PDE4D: variants seen among roughly 807,000 people sequenced by gnomAD.
PDE4D encodes the protein phosphodiesterase 4D, also known as 3',5'-cyclic-AMP phosphodiesterase 4D.
In PDE4D, 24 loss-of-function variants were observed where a neutral mutation model predicts 87.4. The observed-to-expected ratio is 0.27, with a 90% CI of 0.20 to 0.39. PDE4D has a LOEUF of 0.39. PDE4D is among the 10% of genes least tolerant of loss of function. The probability of loss-of-function intolerance (pLI) is 1.00; values close to 1 mark genes in which losing one functional copy is unlikely to be tolerated. For missense variants in PDE4D, 714 were observed against 1,041.0 expected (o/e 0.69, Z 4.32); for synonymous variants, 384 against 383.2 (o/e 1.00, Z -0.02).
chr5:59,957,217 A>T (rs1478424399), intron 3 of PDE4D, among the ~76,000 whole-genome samples: 3 of 151,644 alleles, frequency 2.0e-5, no homozygotes, highest in African/African-American at 7.3e-5. Flanking sequence ...AATTATTATT[A>T]TTTTTTTTGG....
At chr5:59,422,594 G>T (rs1794641379) in intron 1 of PDE4D, among the ~76,000 whole-genome samples, 1 of 152,178 alleles carries the variant, frequency 6.6e-6, no homozygotes, top group Admixed American at 6.5e-5. Flanking sequence ...GCAAAGCCAT[G>T]AAAAACTAAA....
intron 3 of PDE4D, among the ~76,000 whole-genome samples, chr5:59,971,449 G>A (rs1010660185): frequency 6.6e-6 from 1 of 152,016 alleles, no homozygotes. Context: ...AAACAAAATA[G>A]CACTTATATA....
chr5:59,664,751 A>G (rs1227339492), intron 1 of PDE4D, among the ~76,000 whole-genome samples: 1 of 152,234 alleles, frequency 6.6e-6, no homozygotes, highest in Non-Finnish European at 1.5e-5. Flanking sequence ...AAACATAAAT[A>G]GTATCTGCAA....
chr5:59,190,646 TA>T (rs1318821639), intron 3 of PDE4D, among the ~76,000 whole-genome samples: 4 of 152,182 alleles, frequency 2.6e-5, no homozygotes, highest in Admixed American at 2.6e-4. Context: ...CACTTACCAT[TA>T]AGTGGTAAGT....
At chr5:60,061,141 G>C (rs1306622268) in intron 2 of PDE4D, among the ~76,000 whole-genome samples, 1 of 152,098 alleles carries the variant, frequency 6.6e-6, no homozygotes, top group East Asian at 1.9e-4. Flanking sequence ...AAGTCAAATT[G>C]TCTCTGTTTG....
chr5:59,544,811 T>C (rs1022334041), intron 1 of PDE4D, among the ~76,000 whole-genome samples: 2 of 152,194 alleles, frequency 1.3e-5, no homozygotes, highest in African/African-American at 4.8e-5. Context: ...TTCATCAATT[T>C]ATAGACAGAA....
chr5:59,121,862 G>A lies in PDE4D; in HGVS notation c.808+58733C>T, dbSNP rs10077018. On this transcript the variant is annotated intron_variant, in intron 5 of 14. Transcript: ENST00000340635. ...AATGGATAAAGAAAATGTGGTATACGGCCAGGCACAGTGGCTTATGCCTGC... is the reference window on the plus strand; with the variant it reads ...AATGGATAAAGAAAATGTGGTATACAGCCAGGCACAGTGGCTTATGCCTGC... Among the ~76,000 whole-genome samples, 651 of 152,168 alleles carry A rather than the reference G, an allele frequency of 4.3e-3. 1 individual carries two copies. The highest frequency in any genetic ancestry group is 0.011 in the African/African-American group (472 of 41,528).
intron 5 of PDE4D, among the ~76,000 whole-genome samples, chr5:59,094,035 T>C (rs1318506166): frequency 6.6e-6 from 1 of 151,668 alleles, no homozygotes; most frequent in Non-Finnish European, 1.5e-5. Context: ...CTGGCCAACA[T>C]GGTGAAACCC....
chr5:59,940,156 C>G (rs1757028554), intron 3 of PDE4D, among the ~76,000 whole-genome samples: 1 of 152,132 alleles, frequency 6.6e-6, no homozygotes, highest in African/African-American at 2.4e-5. Context: ...TGTGCTTTAT[C>G]ATGGAGCTTC....
At chr5:59,198,314 T>C (rs1051315443) in intron 2 of PDE4D, among the ~76,000 whole-genome samples, 4 of 152,084 alleles carry the variant, frequency 2.6e-5, no homozygotes, top group African/African-American at 9.7e-5. Context: ...CGTGTCTATA[T>C]GTATGTATGT....
chr5:60,468,421 G>A (rs1410848072), intron 1 of PDE4D, among the ~76,000 whole-genome samples: 1 of 152,064 alleles, frequency 6.6e-6, no homozygotes, highest in East Asian at 1.9e-4. Context: ...TTACAGGCAT[G>A]AGCCACCATG....
At chr5:59,175,471 CTTTTTTT>C (rs563138575) in intron 5 of PDE4D, among the ~76,000 whole-genome samples, 13 of 91,208 alleles carry the variant, frequency 1.4e-4, no homozygotes, top group South Asian at 4.1e-4. Context: ...ATTTTTCTTT[CTTTTTTT>C]TTTTTTTTTT....
chr5:59,199,912 GTA>G (rs1746388318), intron 2 of PDE4D, among the ~76,000 whole-genome samples: 1 of 151,142 alleles, frequency 6.6e-6, no homozygotes, highest in Admixed American at 6.6e-5. Context: ...ATATATGCAT[GTA>G]TATATACACA....
intron 1 of PDE4D, among the ~76,000 whole-genome samples, chr5:60,304,641 G>A (rs545799604): frequency 2.9e-4 from 32 of 109,290 alleles, no homozygotes; most frequent in Non-Finnish European, 3.8e-4. Context: ...GACAGAGCGA[G>A]ACTCCGTCTC....
chr5:60,135,477 GA>G (rs1779957786), intron 2 of PDE4D, among the ~76,000 whole-genome samples: 1 of 152,058 alleles, frequency 6.6e-6, no homozygotes, highest in South Asian at 2.1e-4. Context: ...GATGAGCTAT[GA>G]AAAAAAGTAG....
intron 1 of PDE4D, among the ~76,000 whole-genome samples, chr5:59,833,688 T>C (rs1741587336): frequency 6.6e-6 from 1 of 151,916 alleles, no homozygotes; most frequent in African/African-American, 2.4e-5. Flanking sequence ...GGTGGTGATG[T>C]GTGTGGTATG....
At chr5:60,076,766 A>G (rs1457649853) in intron 2 of PDE4D, among the ~76,000 whole-genome samples, 1 of 152,198 alleles carries the variant, frequency 6.6e-6, no homozygotes, top group Non-Finnish European at 1.5e-5. Flanking sequence ...AGAGCTTCAT[A>G]GGGCAGAGGC....
intron 5 of PDE4D, among the ~76,000 whole-genome samples, chr5:59,066,987 G>GATTTATTTATTT (rs75735314): frequency 0.011 from 1,519 of 141,284 alleles, 8 homozygotes; most frequent in Middle Eastern, 0.035. Flanking sequence ...CCCAGCTCGT[G>GATTTATTTATTT]ATTTATTTAT....
intron 2 of PDE4D, among the ~76,000 whole-genome samples, chr5:59,204,590 C>T (rs1215967446): frequency 2.6e-5 from 4 of 152,152 alleles, no homozygotes; most frequent in South Asian, 2.1e-4. Context: ...TTTTCTAGGA[C>T]GGCTGATGTC....
Sources: allele counts gnomAD v4.1 joint callset (sites outside exome capture counted in the v4.1 genomes callset), GRCh38; gene constraint gnomAD v4.1.1; transcripts MANE v1.5; gene names NCBI Gene and HGNC (gene_info 2026-07-23, HGNC 2026-07-21).